Variants in CACNA2D3 observed in about 807,000 individuals in gnomAD.
CACNA2D3 encodes the protein calcium voltage-gated channel auxiliary subunit alpha2delta 3, also known as voltage-dependent calcium channel subunit alpha-2/delta-3.
Under a neutral mutation model 160.6 loss-of-function variants are expected in CACNA2D3, and 60 were observed. The ratio of observed to expected loss-of-function variants is 0.37; its 90% confidence interval spans 0.30 to 0.46. The LOEUF is 0.46. CACNA2D3 is among the 20% of genes least tolerant of loss of function. CACNA2D3 has a pLI of 1.00. For synonymous variants in CACNA2D3, 558 were observed against 492.9 expected (o/e 1.13, Z -1.75); for missense variants, 1,205 against 1,365.0 (o/e 0.88, Z 1.85).
chr3:54,405,876 G>A (rs1383920309), intron 4 of CACNA2D3, among the ~76,000 whole-genome samples: 1 of 150,394 alleles, frequency 6.6e-6, no homozygotes, highest in African/African-American at 2.4e-5. Context: ...GACCCAATTA[G>A]CAATGTGCAA....
Position 54,386,697 on chromosome 3 carries a change from T to C in CACNA2D3, c.322-18T>C. The C allele has an allele frequency of 1.8e-6, 2 of 1,137,566 alleles. No homozygotes were observed. Among genetic ancestry groups the C allele is most frequent in the Non-Finnish European group, 1.2e-6 (1 of 856,414 alleles). 70.5% of individuals were successfully genotyped at this position (1,137,566 alleles called of 1,614,324 possible). A position where few individuals can be genotyped will look rare whatever the true frequency, so the allele number is the denominator to read the frequency against. The stretch of plus-strand genomic sequence containing the variant: ...CTGATCCTTAATGCTGTCTTCTGTT[T>C]TTTTTTTTTTTTTTTAGCGTCTGGT... On this transcript the variant is annotated intron_variant, in intron 3 of 37. Transcript: ENST00000474759.
chr3:54,143,818 T>G (rs1699978262), intron 2 of CACNA2D3, among the ~76,000 whole-genome samples: 1 of 152,212 alleles, frequency 6.6e-6, no homozygotes, highest in Non-Finnish European at 1.5e-5. Context: ...TATTTTGATG[T>G]ATTTCTTTGA....
intron 2 of CACNA2D3, among the ~76,000 whole-genome samples, chr3:54,297,299 A>G (rs1216932962): frequency 6.6e-6 from 1 of 152,170 alleles, no homozygotes; most frequent in Non-Finnish European, 1.5e-5. Context: ...GGGACAGTTC[A>G]TGGGTCAGGG....
chr3:55,005,883 C>T (rs906939405), intron 32 of CACNA2D3, among the ~76,000 whole-genome samples: 1 of 152,154 alleles, frequency 6.6e-6, no homozygotes, highest in Non-Finnish European at 1.5e-5. Context: ...TTGTTTGAAA[C>T]ACAACACTTA....
chr3:54,956,789 T>C (rs1701907225), intron 27 of CACNA2D3, among the ~76,000 whole-genome samples: 1 of 152,174 alleles, frequency 6.6e-6, no homozygotes, highest in Non-Finnish European at 1.5e-5. Context: ...GTGCAAATAT[T>C]CTAGAGTGTT....
chr3:55,021,453 A>C (rs1412244771), intron 35 of CACNA2D3, among the ~76,000 whole-genome samples: 1 of 150,714 alleles, frequency 6.6e-6, no homozygotes, highest in Non-Finnish European at 1.5e-5. Context: ...TCTTTCTTCT[A>C]TGATTCTTGA....
chr3:54,492,951 A>G (rs1430202280), intron 4 of CACNA2D3, among the ~76,000 whole-genome samples: 1 of 151,758 alleles, frequency 6.6e-6, no homozygotes, highest in African/African-American at 2.4e-5. Context: ...ATTTACATTT[A>G]ATGTCATTTT....
chr3:54,486,829 C>T (rs895446765), intron 4 of CACNA2D3, among the ~76,000 whole-genome samples: 7 of 152,140 alleles, frequency 4.6e-5, no homozygotes, highest in Non-Finnish European at 7.4e-5. Context: ...TTGATAGCCC[C>T]TCTTGTAGTG....
chr3:54,951,021 T>C (rs1701743947), intron 27 of CACNA2D3, among the ~76,000 whole-genome samples: 1 of 152,222 alleles, frequency 6.6e-6, no homozygotes. Context: ...TAATATTCCC[T>C]TTACTATCTC....
chr3:54,613,295 G>C (rs183315682), intron 9 of CACNA2D3, among the ~76,000 whole-genome samples: 1 of 152,142 alleles, frequency 6.6e-6, no homozygotes, highest in Non-Finnish European at 1.5e-5. Context: ...TTCCTGTATT[G>C]GTGTGTCATA....
chr3:54,735,183 T>C (rs756001782), intron 11 of CACNA2D3, among the ~76,000 whole-genome samples: 4 of 152,244 alleles, frequency 2.6e-5, no homozygotes, highest in Non-Finnish European at 5.9e-5. Flanking sequence ...TTAGGCAGTC[T>C]TCTGTAGTCA....
intron 29 of CACNA2D3, among the ~76,000 whole-genome samples, chr3:54,978,590 T>C (rs1702441788): frequency 6.6e-6 from 1 of 152,210 alleles, no homozygotes; most frequent in Non-Finnish European, 1.5e-5. Context: ...TAGCAACGTA[T>C]TCCAAAACAG....
intron 35 of CACNA2D3, among the ~76,000 whole-genome samples, chr3:55,049,873 C>G (rs1486767506): frequency 6.6e-6 from 1 of 150,894 alleles, no homozygotes; most frequent in African/African-American, 2.5e-5. Flanking sequence ...TTCTTTGTCT[C>G]TTTTGATCTT....
intron 13 of CACNA2D3, among the ~76,000 whole-genome samples, chr3:54,810,462 A>G (rs546455082): frequency 6.6e-6 from 1 of 152,296 alleles, no homozygotes; most frequent in African/African-American, 2.4e-5. Context: ...CTTTATCCAC[A>G]TTGCTTAATG....
intron 4 of CACNA2D3, among the ~76,000 whole-genome samples, chr3:54,434,291 T>C (rs1015669027): frequency 3.3e-5 from 5 of 152,218 alleles, no homozygotes; most frequent in Admixed American, 6.5e-5. Flanking sequence ...TCATCAAGAC[T>C]GAATACGGCG....
chr3:54,468,651 C>T (rs1388614895), intron 4 of CACNA2D3, among the ~76,000 whole-genome samples: 3 of 152,166 alleles, frequency 2.0e-5, no homozygotes, highest in African/African-American at 7.2e-5. Context: ...CCCACCCCCA[C>T]GGAGTCCAGC....
rs34393649 is a variant in CACNA2D3 at position 54,721,762 on chromosome 3, C to CAAA, written c.1168-30822_1168-30820dup. Among the ~76,000 whole-genome samples the CAAA allele has an allele frequency of 3.6e-3, 386 of 106,246 alleles. 3 individuals carry two copies. The highest frequency in any genetic ancestry group is 6.2e-3 in the Admixed American group (61 of 9,776). The allele number at this position is 106,246 out of a possible 152,430, so 69.7% of individuals were successfully genotyped here. A position where few individuals can be genotyped will look rare whatever the true frequency, so the allele number is the denominator to read the frequency against. ...GGCAACAAAGAGCAAAACTCCATCT[C>CAAA]AAAAAAAAAAAAAAAAAGAAAAGAA... On this transcript the variant is annotated intron_variant, in intron 11 of 37. Transcript: ENST00000474759.
chr3:54,889,135 T>C (rs139429896), intron 24 of CACNA2D3, among the ~76,000 whole-genome samples: 111 of 152,102 alleles, frequency 7.3e-4, no homozygotes, highest in African/African-American at 2.5e-3. Context: ...AGCTGACATA[T>C]AGAGGATAGC....
intron 4 of CACNA2D3, among the ~76,000 whole-genome samples, chr3:54,400,459 G>T (rs1200715722): frequency 1.3e-5 from 2 of 152,104 alleles, no homozygotes; most frequent in Admixed American, 6.5e-5. Context: ...TGAGGGCTGT[G>T]TCAGACCTGA....
Sources: gnomAD v4.1 joint callset for allele counts (sites outside exome capture counted in the v4.1 genomes callset) on GRCh38, gnomAD v4.1.1 for gene constraint, MANE v1.5 for transcripts, NCBI Gene and HGNC (gene_info 2026-07-23, HGNC 2026-07-21) for gene names.